The following GABRA3 variants were observed in gnomAD, a reference collection of about 807,000 sequenced individuals.
GABRA3 encodes the protein gamma-aminobutyric acid type A receptor subunit alpha3.
GABRA3 carries 10 observed loss-of-function variants against 30.1 expected under a neutral mutation model. The observed-to-expected ratio is 0.33, with a 90% CI of 0.20 to 0.56. The LOEUF (loss-of-function observed/expected upper bound fraction) is 0.56. GABRA3 is among the 20% of genes least tolerant of loss of function. GABRA3 has a pLI of 0.89. For missense variants in GABRA3, 233 were observed against 392.0 expected, an observed-to-expected ratio of 0.59 and a Z score of 3.42; for synonymous variants, 151 against 146.8, an observed-to-expected ratio of 1.03 and a Z score of -0.21.
intron 5 of GABRA3, among the ~76,000 whole-genome samples, chrX:152,250,861 A>G (rs1031416304): frequency 1.8e-5 from 2 of 111,161 alleles, no homozygotes; most frequent in Admixed American, 9.6e-5. Flanking sequence ...GGTCAAAATA[A>G]TAATAGGGGT....
At chrX:152,320,933 G>A (rs1565610) in intron 3 of GABRA3, among the ~76,000 whole-genome samples, 24,494 of 110,428 alleles carry the variant, frequency 0.22, 2,654 homozygotes, top group African/African-American at 0.43. Flanking sequence ...AAAGGCTTGG[G>A]CCAAAAATAA....
At chrX:152,287,019 G>C (rs1360710749) in intron 3 of GABRA3, among the ~76,000 whole-genome samples, 1 of 111,371 alleles carries the variant, frequency 9.0e-6, no homozygotes, top group Non-Finnish European at 1.9e-5. Flanking sequence ...AGGCTCATTG[G>C]CTAAAGAAGC....
At chrX:152,243,079 T>C (rs1046031316) in intron 5 of GABRA3, among the ~76,000 whole-genome samples, 4 of 111,898 alleles carry the variant, frequency 3.6e-5, no homozygotes, top group Non-Finnish European at 7.5e-5. Flanking sequence ...ATGGAGGACA[T>C]TATCTTAAGC....
chrX:152,308,021 T>C (rs1435550306), intron 3 of GABRA3, among the ~76,000 whole-genome samples: 1 of 112,636 alleles, frequency 8.9e-6, no homozygotes, highest in Non-Finnish European at 1.9e-5. Context: ...TTGGCCTTTG[T>C]TGACTGTCCC....
intron 5 of GABRA3, among the ~76,000 whole-genome samples, chrX:152,249,228 A>C (rs1240867508): frequency 9.0e-6 from 1 of 111,080 alleles, no homozygotes; most frequent in East Asian, 2.8e-4. Context: ...TTACTTGTAG[A>C]AACCAGCCAT....
chrX:152,298,670 T>C (rs1939578218), intron 3 of GABRA3, among the ~76,000 whole-genome samples: 1 of 111,249 alleles, frequency 9.0e-6, no homozygotes, highest in Admixed American at 9.6e-5. Context: ...TTGTGAATAG[T>C]GCCGTAATAA....
chrX:152,176,008 G>A (rs919331477), intron 9 of GABRA3, among the ~76,000 whole-genome samples: 2 of 109,422 alleles, frequency 1.8e-5, no homozygotes, highest in Non-Finnish European at 3.8e-5. Context: ...AGGTTGCAGT[G>A]AGCCGAGATT....
chrX:152,291,278 T>C (rs903781795), intron 3 of GABRA3, among the ~76,000 whole-genome samples: 1 of 111,720 alleles, frequency 9.0e-6, no homozygotes, highest in African/African-American at 3.3e-5. Flanking sequence ...TTTGAAGCAA[T>C]TGTGAATGGG....
chrX:152,234,038 G>A lies in GABRA3; in HGVS notation c.552-9193C>T, dbSNP rs1223733657. ...AGGAGGGGGAACATCGCACTCTAGG[G>A]ACTGTTGTGGGGTGGGGGGAGGGGG... On this transcript the variant is annotated intron_variant, in intron 5 of 9. Transcript: ENST00000370314. Among the ~76,000 whole-genome samples the A allele has an allele frequency of 1.1e-3, 87 of 76,606 alleles. 1 individual carries two copies. Among genetic ancestry groups the A allele is most frequent in the African/African-American group, 4.2e-3 (83 of 19,609 alleles). The allele number at this position is 76,606 out of a possible 115,157, so 66.5% of individuals were successfully genotyped here. A position where few individuals can be genotyped will look rare whatever the true frequency, so the allele number is the denominator to read the frequency against.
chrX:152,223,629 T>C (rs1281162241), intron 6 of GABRA3, among the ~76,000 whole-genome samples: 2 of 108,867 alleles, frequency 1.8e-5, no homozygotes, highest in Non-Finnish European at 3.8e-5. Context: ...GGTTGTTCCT[T>C]CTACTGAGAG....
chrX:152,447,985 T>C (rs766706530), intron 1 of GABRA3, among the ~76,000 whole-genome samples: 2 of 112,642 alleles, frequency 1.8e-5, no homozygotes, highest in South Asian at 7.3e-4. Context: ...AATCATTTTA[T>C]GTCTGTAGAA....
intron 7 of GABRA3, among the ~76,000 whole-genome samples, chrX:152,199,379 A>C (rs1937447546): frequency 9.2e-6 from 1 of 108,563 alleles, no homozygotes; most frequent in Non-Finnish European, 1.9e-5. Context: ...AAAAAAAAAT[A>C]AAAAAAGCAA....
intron 1 of GABRA3, among the ~76,000 whole-genome samples, chrX:152,387,244 A>C (rs1224766707): frequency 9.1e-6 from 1 of 110,040 alleles, no homozygotes; most frequent in Non-Finnish European, 1.9e-5. Flanking sequence ...ACATGTGTAC[A>C]TGTGTAACTA....
At chrX:152,171,103 C>A (rs1303829222) in intron 9 of GABRA3, among the ~76,000 whole-genome samples, 2 of 111,044 alleles carry the variant, frequency 1.8e-5, no homozygotes, top group Non-Finnish European at 3.8e-5. Context: ...ACTCTTTTTT[C>A]ATGGGTAGAC....
rs141738909 is a variant in GABRA3, at chrX:152,347,110, T to C, written c.141-1408A>G. Among the ~76,000 whole-genome samples the C allele has an allele frequency of 5.4e-5, 6 of 111,822 alleles. 1 individual carries two copies. Among genetic ancestry groups the C allele is most frequent in the East Asian group, 5.7e-4 (2 of 3,535 alleles). ...CAACCTAAATATCCATAGTAGATGA[T>C]TGGATAAAGAAAATATGATACACGT... On this transcript the variant is annotated intron_variant, in intron 2 of 9. Transcript: ENST00000370314.
chrX:152,230,906 G>A (rs1470377536), intron 5 of GABRA3, among the ~76,000 whole-genome samples: 1 of 110,189 alleles, frequency 9.1e-6, no homozygotes, highest in East Asian at 2.8e-4. Flanking sequence ...TTTCTTAGGT[G>A]TGACACCAAA....
chrX:152,403,148 A>T (rs1018320461), intron 1 of GABRA3, among the ~76,000 whole-genome samples: 8 of 111,796 alleles, frequency 7.2e-5, no homozygotes, highest in Non-Finnish European at 1.9e-5. Flanking sequence ...TTTATTCAAT[A>T]TAGTACTAAA....
intron 2 of GABRA3, among the ~76,000 whole-genome samples, chrX:152,360,368 G>A (rs1277916878): frequency 3.3e-5 from 3 of 92,130 alleles, no homozygotes; most frequent in African/African-American, 1.2e-4. Flanking sequence ...TCTAACTGGT[G>A]TGAGATGATA....
chrX:152,276,540 A>C (rs1343950362), intron 4 of GABRA3, among the ~76,000 whole-genome samples: 1 of 111,891 alleles, frequency 8.9e-6, no homozygotes, highest in African/African-American at 3.2e-5. Context: ...AAATTAAAAA[A>C]TGTTCACAAA....
Sources: gnomAD v4.1 joint callset for allele counts (sites outside exome capture counted in the v4.1 genomes callset) on GRCh38, gnomAD v4.1.1 for gene constraint, MANE v1.5 for transcripts, NCBI Gene and HGNC (gene_info 2026-07-23, HGNC 2026-07-21) for gene names.